Variants in ABTB3 observed in about 807,000 individuals in gnomAD.
The protein encoded by ABTB3 is ankyrin repeat- and BTB/POZ domain-containing protein 3.
the ABTB3 span, among the ~76,000 whole-genome samples, chr12:107,325,907 G>T: frequency 2.0e-5 from 3 of 152,098 alleles, no homozygotes; most frequent in African/African-American, 7.2e-5. Flanking sequence ...CATCAGCTAT[G>T]ATTATTATTA....
At chr12:107,405,652 A>C in the ABTB3 span, among the ~76,000 whole-genome samples, 1 of 152,208 alleles carries the variant, frequency 6.6e-6, no homozygotes, top group Non-Finnish European at 1.5e-5. Context: ...CAGGCATCTG[A>C]TCTGCCAGCT....
chr12:107,605,823 G>A, the ABTB3 span, among the ~76,000 whole-genome samples: 1 of 152,326 alleles, frequency 6.6e-6, no homozygotes, highest in South Asian at 2.1e-4. Context: ...GGGCAGCAGA[G>A]GTGGAAAGAA....
chr12:107,383,076 C>A, the ABTB3 span, among the ~76,000 whole-genome samples: 1 of 152,248 alleles, frequency 6.6e-6, no homozygotes, highest in Non-Finnish European at 1.5e-5. Flanking sequence ...TATATTCTCC[C>A]TGACCCCATG....
the ABTB3 span, chr12:107,581,340 G>A: frequency 7.7e-6 from 10 of 1,295,286 alleles, 1 homozygote; most frequent in South Asian, 1.8e-4. Flanking sequence ...GGCAGGGGAG[G>A]GAGGGCTCCG....
the ABTB3 span, among the ~76,000 whole-genome samples, chr12:107,469,172 G>A: frequency 2.0e-5 from 3 of 152,200 alleles, no homozygotes; most frequent in African/African-American, 4.8e-5. Context: ...AGCTCTGGAC[G>A]GCCACAGGCC....
chr12:107,339,206 TC>T, the ABTB3 span, among the ~76,000 whole-genome samples: 1 of 152,308 alleles, frequency 6.6e-6, no homozygotes, highest in Non-Finnish European at 1.5e-5. Context: ...AGTGGGCCTT[TC>T]TGGAGGAACC....
chr12:107,427,679 C>T, the ABTB3 span, among the ~76,000 whole-genome samples: 1 of 152,134 alleles, frequency 6.6e-6, no homozygotes, highest in African/African-American at 2.4e-5. Context: ...GACACGAGTT[C>T]CGGAGATTAG....
At chr12:107,599,954 T>C in the ABTB3 span, among the ~76,000 whole-genome samples, 1 of 152,200 alleles carries the variant, frequency 6.6e-6, no homozygotes, top group South Asian at 2.1e-4. Flanking sequence ...AATGTTGAAT[T>C]CTGCGGAATG....
the ABTB3 span, chr12:107,610,154 C>A: frequency 1.2e-6 from 2 of 1,613,268 alleles, no homozygotes; most frequent in South Asian, 1.1e-5. Context: ...CTCTGGGAAG[C>A]CGCTGTACCC....
the ABTB3 span, chr12:107,635,294 A>T: frequency 6.2e-7 from 1 of 1,613,388 alleles, no homozygotes; most frequent in Admixed American, 1.7e-5. Flanking sequence ...GAATGAAGTG[A>T]TCAGCCAGCA....
At chr12:107,518,337 A>C in the ABTB3 span, among the ~76,000 whole-genome samples, 2 of 152,174 alleles carry the variant, frequency 1.3e-5, no homozygotes, top group African/African-American at 4.8e-5. Context: ...CACTATTCAC[A>C]ATAGCAAAGA....
chr12:107,480,330 T>C, the ABTB3 span, among the ~76,000 whole-genome samples: 1 of 152,150 alleles, frequency 6.6e-6, no homozygotes, highest in Non-Finnish European at 1.5e-5. Context: ...GGAATGCTTT[T>C]GAGTAGGGAA....
At chr12:107,523,747 A>C in the ABTB3 span, among the ~76,000 whole-genome samples, 2 of 152,200 alleles carry the variant, frequency 1.3e-5, no homozygotes, top group African/African-American at 4.8e-5. Flanking sequence ...AGAAGGTCCA[A>C]GCAGCACTCT....
the ABTB3 span, among the ~76,000 whole-genome samples, chr12:107,443,499 G>A: frequency 6.6e-6 from 1 of 152,022 alleles, no homozygotes; most frequent in East Asian, 1.9e-4. Flanking sequence ...CAAGCAGAGA[G>A]AACAGCAAGT....
chr12:107,558,040 CGGACTTTGAAAGATGAATA>C, the ABTB3 span, among the ~76,000 whole-genome samples: 31 of 152,284 alleles, frequency 2.0e-4, no homozygotes, highest in African/African-American at 7.2e-4. Context: ...GTATTTGAAT[CGGACTTTGAAAGATGAATA>C]GGACTTTGAA....
the ABTB3 span, among the ~76,000 whole-genome samples, chr12:107,400,930 A>G: frequency 6.6e-6 from 1 of 152,162 alleles, no homozygotes; most frequent in African/African-American, 2.4e-5. Context: ...GTCAAATTAA[A>G]ATGCATTAAC....
At chr12:107,446,593 G>C in the ABTB3 span, among the ~76,000 whole-genome samples, 1 of 152,154 alleles carries the variant, frequency 6.6e-6, no homozygotes. Flanking sequence ...AAAGGAGCTC[G>C]GAGCAGCTCT....
chr12:107,625,393 A>C, the ABTB3 span, among the ~76,000 whole-genome samples: 11 of 152,146 alleles, frequency 7.2e-5, no homozygotes, highest in Admixed American at 3.3e-4. Flanking sequence ...TGAAATCTGG[A>C]TGTTTTCTGA....
chr12:107,640,117 C>T, the ABTB3 span, among the ~76,000 whole-genome samples: 1 of 152,160 alleles, frequency 6.6e-6, no homozygotes, highest in Non-Finnish European at 1.5e-5. Flanking sequence ...TAAGGATTTC[C>T]TATGAAAAAC....
Sources: allele counts gnomAD v4.1 joint callset (sites outside exome capture counted in the v4.1 genomes callset), GRCh38; gene constraint gnomAD v4.1.1; transcripts MANE v1.5; gene names NCBI Gene and HGNC (gene_info 2026-07-23, HGNC 2026-07-21).